The following ANKRD44 variants were observed in gnomAD, a reference collection of about 807,000 sequenced individuals.
ANKRD44 encodes the protein serine/threonine-protein phosphatase 6 regulatory ankyrin repeat subunit B.
ANKRD44 carries 35 observed loss-of-function variants against 116.0 expected under a neutral mutation model. The observed-to-expected ratio is 0.30, with a 90% confidence interval of 0.23 to 0.40. The LOEUF (loss-of-function observed/expected upper bound fraction) is 0.40, where lower values mean the gene tolerates loss of function less well. Ranked by LOEUF, ANKRD44 falls within the 10% of genes least tolerant of loss-of-function variation. ANKRD44 has a pLI of 1.00. For synonymous variants in ANKRD44, 435 were observed against 461.8 expected (o/e 0.94, Z 0.74); for missense variants, 1,014 against 1,242.6 (o/e 0.82, Z 2.77).
chr2:197,026,833 T>C (rs910178474), intron 16 of ANKRD44, among the ~76,000 whole-genome samples: 3 of 151,584 alleles, frequency 2.0e-5, no homozygotes, highest in Non-Finnish European at 2.9e-5. Flanking sequence ...AGAGAAACAG[T>C]TGGATTGTGG....
chr2:197,057,581 TA>T (rs2077226913), intron 16 of ANKRD44, among the ~76,000 whole-genome samples: 1 of 152,248 alleles, frequency 6.6e-6, no homozygotes, highest in Admixed American at 6.5e-5. Flanking sequence ...TGCTTCTACC[TA>T]AAATTTTCTG....
chr2:197,119,588 T>C (rs1243399380), intron 8 of ANKRD44, among the ~76,000 whole-genome samples: 1 of 152,190 alleles, frequency 6.6e-6, no homozygotes, highest in Non-Finnish European at 1.5e-5. Context: ...TCAATTGCTA[T>C]TCTGAAAATT....
intron 13 of ANKRD44, among the ~76,000 whole-genome samples, chr2:197,084,082 A>G (rs1224474006): frequency 6.6e-6 from 1 of 152,190 alleles, no homozygotes; most frequent in Non-Finnish European, 1.5e-5. Flanking sequence ...CCCACATATA[A>G]CAATCATGTT....
intron 16 of ANKRD44, among the ~76,000 whole-genome samples, chr2:197,076,917 T>C (rs115507668): frequency 0.021 from 3,178 of 152,340 alleles, 56 homozygotes; most frequent in Middle Eastern, 0.048. Flanking sequence ...GATGGGAATT[T>C]AGGTTGATTC....
rs35734167 is a variant in ANKRD44 at position 196,967,912 on chromosome 2, A to ACTCTCTCTCT, written c.2369-476_2369-467dup. On this transcript the variant is annotated intron_variant, in intron 21 of 21. Transcript: ENST00000424317. ...TGGGGTGGATCCCTCATGGCTTGGC[A>ACTCTCTCTCT]CTCTCTCTCTCTCTCTCTCTCTCTC... 8.5e-4 allele frequency among the ~76,000 whole-genome samples: 120 copies of ACTCTCTCTCT among 140,942 alleles called. 2 individuals carry two copies. The highest frequency in any genetic ancestry group is 7.9e-3 in the East Asian group (38 of 4,792). The allele number at this position is 140,942 out of a possible 152,430, so 92.5% of individuals were successfully genotyped here.
intron 9 of ANKRD44, among the ~76,000 whole-genome samples, chr2:197,105,483 A>G (rs1308651933): frequency 1.3e-5 from 2 of 152,210 alleles, no homozygotes; most frequent in African/African-American, 4.8e-5. Context: ...AAATATCTTT[A>G]CATATATTCT....
intron 2 of ANKRD44, among the ~76,000 whole-genome samples, chr2:197,160,675 C>T (rs990898372): frequency 6.6e-6 from 1 of 152,162 alleles, no homozygotes; most frequent in Non-Finnish European, 1.5e-5. Context: ...ATATCAGCGA[C>T]TCTCACTCCC....
chr2:197,159,025 G>A (rs1193228288), intron 2 of ANKRD44, among the ~76,000 whole-genome samples: 2 of 150,138 alleles, frequency 1.3e-5, no homozygotes, highest in African/African-American at 2.5e-5. Flanking sequence ...ACATACACAC[G>A]GTATTAGAAA....
chr2:196,998,961 A>T lies in ANKRD44; in HGVS notation c.2611T>A (p.Ser871Thr), dbSNP rs761696810. The change falls in exon 24 of 28, where the codon TCA becomes ACA. Residue 871 changes from serine to threonine, a missense_variant. Ser to Thr is a moderately conservative substitution (Grantham distance 58). Coordinates refer to ENST00000282272, the MANE Select transcript of ANKRD44 (RefSeq NM_001195144.2). ...GCCATCATCAGTGCTGTTTTCCCTG[A>T]ATTATCTACTGCGTTCACTGGAGCA... is the stretch of plus-strand genomic sequence containing the variant. ...HSAPVNAVDN[S>T]GKTALMMAAE... 25 of 1,614,098 alleles carry T rather than the reference A, an allele frequency of 1.5e-5. No homozygotes were observed. The South Asian group carries it at 2.3e-4, about 15-fold the overall frequency.
chr2:197,299,512 T>A (rs1202929990), intron 1 of ANKRD44: 1 of 152,154 alleles, frequency 6.6e-6, no homozygotes, highest in African/African-American at 2.4e-5. Context: ...TAAAAAGGAA[T>A]GAAATAATGG....
intron 12 of ANKRD44, among the ~76,000 whole-genome samples, chr2:197,087,945 C>A (rs2125166754): frequency 6.6e-6 from 1 of 152,232 alleles, no homozygotes; most frequent in East Asian, 1.9e-4. Context: ...AAAGTGTCAC[C>A]ATTTATCCAC....
At chr2:197,188,133 C>T (rs942443941) in intron 1 of ANKRD44, among the ~76,000 whole-genome samples, 13 of 152,098 alleles carry the variant, frequency 8.5e-5, no homozygotes, top group African/African-American at 2.7e-4. Flanking sequence ...GGCACGATGG[C>T]AGTTTAGGGA....
At position 197,308,581 on chromosome 2, in the gene ANKRD44, A is replaced by G. The variant is rs528016130; in HGVS notation, c.27+1997T>C. Among the ~76,000 whole-genome samples the G allele has an allele frequency of 2.6e-5, 4 of 151,856 alleles. No individual in the cohort carries two copies. The East Asian group carries it at 7.8e-4, about 29-fold the overall frequency. On this transcript the variant is annotated intron_variant, in intron 1 of 27. Coordinates refer to ENST00000282272, the MANE Select transcript of ANKRD44 (RefSeq NM_001195144.2). The stretch of plus-strand genomic sequence containing the variant: ...AAGTTCTTGAATCTTAAAACGCCTT[A>G]GGTTCTTTTTACGTATCTGGAGATG...
intron 2 of ANKRD44, 45 bp downstream of exon 2, chr2:197,186,978 T>C (rs868234757): frequency 1.3e-6 from 2 of 1,550,456 alleles, no homozygotes; most frequent in Middle Eastern, 1.7e-4. Flanking sequence ...CCTTTCCTGC[T>C]CCAGGCTAAC....
Position 197,013,542 on chromosome 2 carries a change from A to T in ANKRD44, c.1893T>A (p.Asn631Lys), listed in dbSNP as rs771450081. The change falls in exon 18 of 28, where the codon AAT becomes AAA. Residue 631 changes from asparagine (N) to lysine (K), a missense_variant. Transcript: ENST00000282272. Reference protein sequence around the residue: ...NQGASIFVKDNVTKRTPLHAS... With the variant: ...NQGASIFVKDKVTKRTPLHAS... ...CATGAAGTGGGGTTCTTTTGGTTAC[A>T]TTGTCTTTCACAAAGATGGATGCGC... 2 of 1,614,214 alleles carry T rather than the reference A, an allele frequency of 1.2e-6. No individual in the cohort carries two copies. Among genetic ancestry groups the T allele is most frequent in the Non-Finnish European group, 8.5e-7 (1 of 1,180,038 alleles).
At chr2:197,273,153 T>C (rs1343369850) in intron 1 of ANKRD44, among the ~76,000 whole-genome samples, 2 of 152,144 alleles carry the variant, frequency 1.3e-5, no homozygotes, top group Non-Finnish European at 2.9e-5. Flanking sequence ...AATTCCTCAG[T>C]ATTCACCAGG....
At chr2:197,136,515 G>A in intron 4 of ANKRD44, 77 bp downstream of exon 4, 1 of 1,365,602 alleles carries the variant, frequency 7.3e-7, no homozygotes, top group Non-Finnish European at 1.0e-6. Context: ...TTACCAGTAA[G>A]GATTCTTAAT....
chr2:197,247,549 T>C (rs2082220169), intron 1 of ANKRD44, among the ~76,000 whole-genome samples: 1 of 152,154 alleles, frequency 6.6e-6, no homozygotes, highest in South Asian at 2.1e-4. Context: ...TGGGATAAAA[T>C]CAAAACCCAA....
chr2:197,103,926 A>C (rs1398793047), intron 9 of ANKRD44, among the ~76,000 whole-genome samples: 1 of 152,178 alleles, frequency 6.6e-6, no homozygotes, highest in African/African-American at 2.4e-5. Flanking sequence ...GTTACATTAC[A>C]ATCCTTCCCA....
Sources: allele counts gnomAD v4.1 joint callset (sites outside exome capture counted in the v4.1 genomes callset), GRCh38; gene constraint gnomAD v4.1.1; transcripts MANE v1.5; gene names NCBI Gene and HGNC (gene_info 2026-07-23, HGNC 2026-07-21).